The following INTS13 variants were observed in gnomAD, a reference collection of about 807,000 sequenced individuals.
INTS13 encodes asunder, spermatogenesis regulator homolog (Drosphila).
In INTS13, 35 loss-of-function variants were observed where a neutral mutation model predicts 90.2. The observed-to-expected ratio is 0.39, with a 90% CI of 0.30 to 0.51. INTS13 has a LOEUF of 0.51. Among genes scored for constraint, INTS13 ranks in the 20% least tolerant of loss-of-function variants. INTS13 has a pLI of 0.80. For missense variants in INTS13, 601 were observed against 851.2 expected (o/e 0.71, Z 3.66); for synonymous variants, 309 against 277.1 (o/e 1.11, Z -1.14).
At chr12:26,906,183 C>T in intron 16 of INTS13, 119 bp downstream of exon 16, 1 of 945,646 alleles carries the variant, frequency 1.1e-6, no homozygotes, top group Non-Finnish European at 1.5e-6. Context: ...TTATGGGGAA[C>T]ATGTATTAGT....
In INTS13 at chr12:26,934,603, C is replaced by T; in HGVS notation, c.253G>A (p.Ala85Thr). ...LVNFIVSDSG[A>T]HVLNSWTQED... is the part of the protein sequence containing the mutation. ...TGAGTCCAAGAATTTAAAACATGTG[C>T]TCCAGAGTCACTCACAATAAAATTC... The change falls in exon 3 of 17, where the codon GCA (alanine) becomes ACA (threonine). Residue 85 changes from alanine (A) to threonine (T), a missense_variant. By Grantham distance (58) the Ala-to-Thr change is moderately conservative. Around this residue, in one of 3 missense-constraint regions of INTS13, gnomAD observed 284 missense variants for 387.7 expected, o/e 0.73. Transcript: ENST00000261191. 6.2e-7 allele frequency: 1 copy of T among 1,613,442 alleles called. No homozygotes were observed. The highest frequency in any genetic ancestry group is 8.5e-7 in the Non-Finnish European group (1 of 1,179,506).
chr12:26,924,064 T>C (rs376118758), intron 7 of INTS13, among the ~76,000 whole-genome samples: 33 of 152,264 alleles, frequency 2.2e-4, no homozygotes, highest in African/African-American at 5.5e-4. Context: ...GTCAAAGACA[T>C]TGAATGTGGG....
rs1182903672 is a variant in INTS13, at chr12:26,914,446, T to C, written c.1381A>G (p.Met461Val). The C allele has an allele frequency of 6.2e-7, 1 of 1,613,912 alleles. No individual in the cohort carries two copies. The highest frequency in any genetic ancestry group is 8.5e-7 in the Non-Finnish European group (1 of 1,179,908). ...AAAATGGTGGTTTGTGAAATGATCA[T>C]AGGCCAGTAACGGGTATGTTTTTCT... is the stretch of plus-strand genomic sequence containing the variant. ...QLEKHTRYWP[M>V]IISQTTIFNM... is the part of the protein sequence containing the mutation. The change falls in exon 12 of 17, where the codon ATG (methionine) becomes GTG (valine). Residue 461 changes from methionine to valine, a missense_variant. Met to Val is a conservative substitution (Grantham distance 21, BLOSUM62 1). Transcript: ENST00000261191.
chr12:26,928,652 C>T (rs915161815), intron 4 of INTS13, 51 bp downstream of exon 4: 1 of 1,579,590 alleles, frequency 6.3e-7, no homozygotes, highest in South Asian at 1.1e-5. Flanking sequence ...AAAACTACAA[C>T]AGGATTTTAA....
Position 26,911,283 on chromosome 12 carries a change from A to G in INTS13, c.1840T>C (p.Leu614=), listed in dbSNP as rs755206000. ...TCTTTTATAATCTCAGCTTCAGCCA[A>G]TTCTTCTTTTCCACGCTCTAAGATT... ...KGILERGKEE[L]AEAEIIKDSP... Residue 614 remains leucine, a synonymous_variant, in exon 15 of 17, where the codon TTG becomes CTG. Transcript: ENST00000261191. 4.3e-6 allele frequency: 7 copies of G among 1,613,534 alleles called. No homozygotes were observed. Among genetic ancestry groups the G allele is most frequent in the Admixed American group, 1.7e-5 (1 of 59,930 alleles).
At chr12:26,908,483 A>G (rs2137396679) in intron 15 of INTS13, among the ~76,000 whole-genome samples, 1 of 152,342 alleles carries the variant, frequency 6.6e-6, no homozygotes, top group South Asian at 2.1e-4. Context: ...TCTAACAACT[A>G]AAAATTTTAG....
intron 4 of INTS13, 55 bp from the exon 5 acceptor site, chr12:26,928,340 A>G: frequency 7.3e-7 from 1 of 1,361,488 alleles, no homozygotes; most frequent in Non-Finnish European, 1.0e-6. Flanking sequence ...AACAGAAAAA[A>G]TTCAAAACAC....
At position 26,924,490 on chromosome 12, in the gene INTS13, A is replaced by G; in HGVS notation, c.676-7T>C. ...TGGTTAAAACCGGGGACAACTACAG[A>G]AAAACATACAAGAAAAATAATCCAC... On this transcript the variant is annotated splice_region_variant and splice_polypyrimidine_tract_variant and intron_variant, in intron 6 of 16. Coordinates refer to ENST00000261191, the MANE Select transcript of INTS13 (RefSeq NM_018164.3). 1 of 1,594,976 alleles carries G rather than the reference A, an allele frequency of 6.3e-7. No homozygotes were observed. Among genetic ancestry groups the G allele is most frequent in the East Asian group, 2.3e-5 (1 of 44,046 alleles).
intron 1 of INTS13, 21 bp from the exon 2 acceptor site, chr12:26,936,835 T>C: frequency 1.4e-6 from 2 of 1,477,994 alleles, no homozygotes; most frequent in African/African-American, 1.4e-5. Context: ...AAAAACATAT[T>C]AGCCAAATAT....
chr12:26,931,995 G>A lies in INTS13; in HGVS notation c.300+2561C>T, dbSNP rs149535199. Among the ~76,000 whole-genome samples the A allele has an allele frequency of 2.8e-3, 419 of 149,356 alleles. 2 individuals are homozygous for A. The highest frequency in any genetic ancestry group is 0.01 in the African/African-American group (410 of 40,530). ...CCAGCTGCTTGGGAAGCTGAGGCCGGAGAATTGCTTGAACCTGGGAGGTGG... is the reference window on the plus strand; with the variant it reads ...CCAGCTGCTTGGGAAGCTGAGGCCGAAGAATTGCTTGAACCTGGGAGGTGG... On this transcript the variant is annotated intron_variant, in intron 3 of 16. Coordinates refer to ENST00000261191, the MANE Select transcript of INTS13 (RefSeq NM_018164.3).
At chr12:26,916,480 C>T (rs1402169226) in intron 10 of INTS13, among the ~76,000 whole-genome samples, 3 of 152,142 alleles carry the variant, frequency 2.0e-5, no homozygotes, top group Non-Finnish European at 4.4e-5. Context: ...GAATTTTTCT[C>T]CTGGACCTCA....
At chr12:26,913,070 T>A (rs899376016) in intron 14 of INTS13, among the ~76,000 whole-genome samples, 1 of 152,144 alleles carries the variant, frequency 6.6e-6, no homozygotes, top group Non-Finnish European at 1.5e-5. Context: ...TCACACTGTA[T>A]GTTCTTCAAG....
At chr12:26,915,285 T>C (rs1445249185) in intron 11 of INTS13, among the ~76,000 whole-genome samples, 1 of 152,120 alleles carries the variant, frequency 6.6e-6, no homozygotes, top group Non-Finnish European at 1.5e-5. Context: ...TCAACAATAG[T>C]TATCTGTGAA....
intron 14 of INTS13, 146 bp from the exon 15 acceptor site, chr12:26,911,463 C>A: frequency 1.8e-6 from 1 of 543,688 alleles, no homozygotes; most frequent in Non-Finnish European, 2.9e-6. Context: ...AAATCTCAAT[C>A]TAAAACCAGG....
rs114765785 is a variant in INTS13, at chr12:26,936,551, C to A, written c.225+28G>T. On this transcript the variant is annotated intron_variant, in intron 2 of 16. Transcript: ENST00000261191. ...ATGCAGTTAAGTACATCCCCAAAATCATGATTTTGTTTGTACTTCACACTC... is the reference window on the plus strand; with the variant it reads ...ATGCAGTTAAGTACATCCCCAAAATAATGATTTTGTTTGTACTTCACACTC... 1.4e-3 allele frequency: 2,168 copies of A among 1,513,406 alleles called. 29 individuals carry two copies. The African/African-American group carries it at 0.028, about 19-fold the overall frequency. 93.7% of individuals were successfully genotyped at this position (1,513,406 alleles called of 1,614,324 possible). A position where few individuals can be genotyped will look rare whatever the true frequency, so the allele number is the denominator to read the frequency against.
chr12:26,927,102 C>T (rs141578826), intron 5 of INTS13, among the ~76,000 whole-genome samples: 5 of 152,358 alleles, frequency 3.3e-5, no homozygotes, highest in African/African-American at 4.8e-5. Flanking sequence ...CTTCCAACCT[C>T]ACCCACTTCA....
chr12:26,918,944 G>A (rs1043840513), intron 8 of INTS13: 21 of 203,950 alleles, frequency 1.0e-4, no homozygotes, highest in African/African-American at 3.5e-4. Flanking sequence ...CTAAGTGGGA[G>A]GATTGCTAGG....
At chr12:26,924,187 C>T (rs2137509320) in intron 7 of INTS13, among the ~76,000 whole-genome samples, 168 bp downstream of exon 7, 1 of 152,080 alleles carries the variant, frequency 6.6e-6, no homozygotes, top group African/African-American at 2.4e-5. Flanking sequence ...GAGATGGGAT[C>T]GTACTATGTT....
intron 3 of INTS13, 94 bp from the exon 4 acceptor site, chr12:26,928,999 C>T (rs1209252738): frequency 4.7e-6 from 5 of 1,065,206 alleles, no homozygotes; most frequent in Non-Finnish European, 6.8e-6. Context: ...ATGTATCTTA[C>T]ATATATGGAC....
Sources: gnomAD v4.1 joint callset for allele counts (sites outside exome capture counted in the v4.1 genomes callset) on GRCh38, gnomAD v4.1.1 for gene constraint, gnomAD v4.1.1 regional missense constraint, MANE v1.5 for transcripts, NCBI Gene and HGNC (gene_info 2026-07-23, HGNC 2026-07-21) for gene names.